Variants in CSMD1 observed in about 807,000 individuals in gnomAD.
CSMD1 encodes the protein CUB and Sushi multiple domains 1.
In CSMD1, 213 loss-of-function variants were observed where a neutral mutation model predicts 417.5. The observed-to-expected ratio is 0.51, with a 90% CI of 0.46 to 0.57. The LOEUF is 0.57. CSMD1 is among the 20% of genes least tolerant of loss of function. CSMD1 has a pLI of 0.00. For synonymous variants in CSMD1, 2,862 were observed against 1,736.8 expected (o/e 1.65, Z -16.11); for missense variants, 6,923 against 4,529.7 (o/e 1.53, Z -15.17).
chr8:4,564,105 A>G (rs1798476129), intron 2 of CSMD1, among the ~76,000 whole-genome samples: 2 of 152,160 alleles, frequency 1.3e-5, no homozygotes, highest in South Asian at 2.1e-4. Flanking sequence ...TGATGAGATA[A>G]TGGTCTTCCA....
At chr8:3,180,100 A>G (rs1821224316) in intron 37 of CSMD1, among the ~76,000 whole-genome samples, 1 of 152,240 alleles carries the variant, frequency 6.6e-6, no homozygotes, top group Non-Finnish European at 1.5e-5. Flanking sequence ...AAGGAGATGA[A>G]TATCAACGTT....
At chr8:3,200,751 G>C (rs1796950330) in intron 32 of CSMD1, among the ~76,000 whole-genome samples, 1 of 151,860 alleles carries the variant, frequency 6.6e-6, no homozygotes, top group African/African-American at 2.4e-5. Context: ...ATACATCATT[G>C]AACCTTGGTA....
chr8:3,530,924 C>G (rs1585313479), intron 10 of CSMD1, among the ~76,000 whole-genome samples: 1 of 151,728 alleles, frequency 6.6e-6, no homozygotes, highest in East Asian at 1.9e-4. Flanking sequence ...GTGGTACGAT[C>G]TCACTGCAAC....
chr8:4,159,367 G>A (rs114012225), intron 3 of CSMD1, among the ~76,000 whole-genome samples: 107 of 152,242 alleles, frequency 7.0e-4, no homozygotes, highest in African/African-American at 2.5e-3. Context: ...TTGTGATTCA[G>A]TAATCCCACT....
intron 17 of CSMD1, among the ~76,000 whole-genome samples, chr8:3,394,012 T>TTATATATA (rs1175905929): frequency 1.6e-4 from 5 of 31,610 alleles, no homozygotes; most frequent in Non-Finnish European, 3.0e-4. Flanking sequence ...AAAAAATAAA[T>TTATATATA]TATATATATA....
At chr8:3,246,317 C>T (rs1481904145) in intron 26 of CSMD1, among the ~76,000 whole-genome samples, 2 of 152,138 alleles carry the variant, frequency 1.3e-5, no homozygotes, top group Admixed American at 6.5e-5. Flanking sequence ...ACACGGTTCC[C>T]TGAAATGCTC....
At chr8:4,388,603 T>G (rs1408396236) in intron 3 of CSMD1, among the ~76,000 whole-genome samples, 1 of 152,020 alleles carries the variant, frequency 6.6e-6, no homozygotes, top group Non-Finnish European at 1.5e-5. Flanking sequence ...GTACAGTGTA[T>G]ACTGCTCAGG....
intron 3 of CSMD1, among the ~76,000 whole-genome samples, chr8:4,405,005 C>G (rs531555144): frequency 1.3e-5 from 2 of 152,328 alleles, no homozygotes; most frequent in South Asian, 2.1e-4. Flanking sequence ...AGGCTAAAAG[C>G]TAAGTAATAA....
chr8:4,858,425 C>A (rs1271461326), intron 1 of CSMD1, among the ~76,000 whole-genome samples: 1 of 149,386 alleles, frequency 6.7e-6, no homozygotes, highest in South Asian at 2.1e-4. Context: ...GGCAATTAGG[C>A]AGGAAAAGGA....
intron 3 of CSMD1, among the ~76,000 whole-genome samples, chr8:4,395,014 T>C (rs1297996650): frequency 1.3e-5 from 2 of 152,190 alleles, no homozygotes; most frequent in Non-Finnish European, 2.9e-5. Context: ...AGGTAGACCC[T>C]TTCCCTCTGC....
chr8:3,742,360 C>A (rs575135194), intron 6 of CSMD1, among the ~76,000 whole-genome samples: 2 of 152,168 alleles, frequency 1.3e-5, no homozygotes, highest in African/African-American at 4.8e-5. Context: ...AGTGGCGAAT[C>A]TGACCCGAAT....
At chr8:4,477,034 G>T (rs550189155) in intron 2 of CSMD1, among the ~76,000 whole-genome samples, 1 of 152,190 alleles carries the variant, frequency 6.6e-6, no homozygotes, top group Non-Finnish European at 1.5e-5. Flanking sequence ...TTTCCCTCCC[G>T]CAGGGCTGGT....
At chr8:4,940,805 C>CTGTACCATGTGTCAGCT (rs1356392905) in intron 1 of CSMD1, among the ~76,000 whole-genome samples, 5 of 152,150 alleles carry the variant, frequency 3.3e-5, no homozygotes, top group South Asian at 2.1e-4. Flanking sequence ...ATCATAATCT[C>CTGTACCATGTGTCAGCT]TGTACCATGT....
At chr8:3,212,410 G>A (rs987189380) in intron 30 of CSMD1, among the ~76,000 whole-genome samples, 2 of 152,140 alleles carry the variant, frequency 1.3e-5, no homozygotes, top group Admixed American at 6.5e-5. Context: ...GTGCAGTGGA[G>A]CAATCTCGGC....
rs1803686827 is a variant in CSMD1, at chr8:2,963,533, T to A, written c.9281-138A>T. ...TTTTAAAAAAAAATAATAAAAGAAT[T>A]GCCAAGGAAGACAGTACATCAAAAT... On this transcript the variant is annotated intron_variant, in intron 59 of 69. Coordinates refer to ENST00000635120, the MANE Select transcript of CSMD1 (RefSeq NM_033225.6). 4.8e-6 allele frequency: 4 copies of A among 827,572 alleles called. No homozygotes were observed. In the Admixed American group the frequency reaches 7.2e-5, roughly 15 times the overall value. The allele number at this position is 827,572 out of a possible 1,614,324, so 51.3% of individuals were successfully genotyped here. A position where few individuals can be genotyped will look rare whatever the true frequency, so the allele number is the denominator to read the frequency against.
intron 5 of CSMD1, among the ~76,000 whole-genome samples, chr8:3,879,821 A>G (rs56402295): frequency 0.24 from 35,131 of 147,636 alleles, 5,372 homozygotes; most frequent in African/African-American, 0.44. Flanking sequence ...TAGAGTGTGT[A>G]CCGGTGTGCG....
At chr8:4,018,945 T>C (rs531730158) in intron 4 of CSMD1, among the ~76,000 whole-genome samples, 1 of 152,332 alleles carries the variant, frequency 6.6e-6, no homozygotes, top group East Asian at 1.9e-4. Flanking sequence ...GTAAGGCATG[T>C]AAACATTGTC....
chr8:4,170,756 G>A (rs1433255120), intron 3 of CSMD1, among the ~76,000 whole-genome samples: 1 of 151,564 alleles, frequency 6.6e-6, no homozygotes, highest in Non-Finnish European at 1.5e-5. Flanking sequence ...TTTAGAAAAA[G>A]GTAGCTAAGG....
intron 12 of CSMD1, among the ~76,000 whole-genome samples, chr8:3,410,093 A>G (rs1585121501): frequency 6.6e-6 from 1 of 152,374 alleles, no homozygotes; most frequent in East Asian, 1.9e-4. Context: ...AGAATGAATA[A>G]CAGTTTGGTC....
Sources: allele counts gnomAD v4.1 joint callset (sites outside exome capture counted in the v4.1 genomes callset), GRCh38; gene constraint gnomAD v4.1.1; transcripts MANE v1.5; gene names NCBI Gene and HGNC (gene_info 2026-07-23, HGNC 2026-07-21).